Variants in AGBL1 observed in about 807,000 individuals in gnomAD.
The protein encoded by AGBL1 is cytosolic carboxypeptidase 4.
A neutral mutation model predicts 118.9 loss-of-function variants in AGBL1; 130 were observed. The ratio of observed to expected loss-of-function variants is 1.09; its 90% CI spans 0.95 to 1.26. The LOEUF (loss-of-function observed/expected upper bound fraction) is 1.26. Among genes scored for constraint, AGBL1 ranks in the 50% most tolerant of loss-of-function variants. AGBL1 has a pLI of 0.00. For synonymous variants in AGBL1, 555 were observed against 478.9 expected (o/e 1.16, Z -2.08); for missense variants, 1,584 against 1,298.1 (o/e 1.22, Z -3.38).
intron 23 of AGBL1, among the ~76,000 whole-genome samples, chr15:86,965,312 A>G (rs976797717): frequency 2.0e-5 from 3 of 152,012 alleles, no homozygotes; most frequent in Non-Finnish European, 2.9e-5. Context: ...TGACTTTTTA[A>G]TGATTGCCAT....
intron 22 of AGBL1, among the ~76,000 whole-genome samples, chr15:86,686,735 C>T (rs1479166715): frequency 6.6e-6 from 1 of 152,164 alleles, no homozygotes; most frequent in South Asian, 2.1e-4. Flanking sequence ...CCATGCCTGG[C>T]CTCTAAGTTT....
chr15:86,170,168 A>G (rs2077394862), intron 5 of AGBL1, among the ~76,000 whole-genome samples: 1 of 152,236 alleles, frequency 6.6e-6, no homozygotes, highest in Non-Finnish European at 1.5e-5. Flanking sequence ...GACACAGAAG[A>G]TATAAGAAAA....
In AGBL1 at chr15:86,817,463, TACACACACAC is replaced by T. The variant is rs143498374; in HGVS notation, c.3159-89604_3159-89595del. The stretch of plus-strand genomic sequence containing the variant: ...CAAGTGTGTGTGTGTCTCTGAGAGA[TACACACACAC>T]ACACACACACACACACACAGAGGAG... On this transcript the variant is annotated intron_variant, in intron 22 of 22. Transcript: ENST00000614907. Among the ~76,000 whole-genome samples the T allele has an allele frequency of 2.8e-3, 369 of 133,488 alleles. 5 individuals are homozygous for T. The highest frequency in any genetic ancestry group is 0.01 in the African/African-American group (344 of 34,400). 87.6% of individuals were successfully genotyped at this position (133,488 alleles called of 152,430 possible).
At chr15:86,894,396 C>A (rs1463145504) in intron 22 of AGBL1, among the ~76,000 whole-genome samples, 1 of 152,082 alleles carries the variant, frequency 6.6e-6, no homozygotes, top group Non-Finnish European at 1.5e-5. Flanking sequence ...GTATTTCATC[C>A]TGAGGGAGCT....
rs550331070 is a variant in AGBL1, at chr15:86,124,563, A to AT, written c.52-17435dup. 4.7e-3 allele frequency among the ~76,000 whole-genome samples: 710 copies of AT among 152,162 alleles called. 6 individuals carry two copies. The highest frequency in any genetic ancestry group is 0.016 in the African/African-American group (673 of 41,504). On this transcript the variant is annotated intron_variant, in intron 1 of 22. Transcript: ENST00000614907. ...AAAGTTTATTAAAAATATTTTAAAG[A>AT]TTTTTTCTCTCCACGCAGATTTCTC...
chr15:86,787,863 T>A (rs990922601), intron 22 of AGBL1, among the ~76,000 whole-genome samples: 3 of 152,202 alleles, frequency 2.0e-5, no homozygotes, highest in East Asian at 3.9e-4. Context: ...TACATCTTTT[T>A]TTTCTTCTTT....
chr15:86,806,473 A>G (rs1596499180), intron 22 of AGBL1, among the ~76,000 whole-genome samples: 1 of 152,292 alleles, frequency 6.6e-6, no homozygotes, highest in South Asian at 2.1e-4. Context: ...AAATCTCAGG[A>G]GATGGACCTC....
At chr15:86,616,339 C>CAAAAAAAAAA (rs199936794) in intron 21 of AGBL1, among the ~76,000 whole-genome samples, 17 of 49,286 alleles carry the variant, frequency 3.4e-4, no homozygotes, top group African/African-American at 1.0e-3. Context: ...TCCTCCACTT[C>CAAAAAAAAAA]AAAAAAAAAA....
intron 22 of AGBL1, among the ~76,000 whole-genome samples, chr15:86,787,532 G>A (rs1196406203): frequency 6.6e-6 from 1 of 152,060 alleles, no homozygotes; most frequent in Non-Finnish European, 1.5e-5. Flanking sequence ...ATTTTTATCT[G>A]GGTCTAGCTT....
chr15:86,447,465 C>T (rs2082135798), intron 18 of AGBL1, among the ~76,000 whole-genome samples: 1 of 152,186 alleles, frequency 6.6e-6, no homozygotes, highest in African/African-American at 2.4e-5. Flanking sequence ...AAACTGGATC[C>T]TTGATGTATC....
At chr15:86,890,207 T>C (rs192653754) in intron 22 of AGBL1, among the ~76,000 whole-genome samples, 10 of 152,322 alleles carry the variant, frequency 6.6e-5, no homozygotes, top group Non-Finnish European at 1.3e-4. Context: ...TTTTGAGAAG[T>C]GTCTGTTCAT....
At chr15:86,811,630 C>A (rs146402399) in intron 22 of AGBL1, among the ~76,000 whole-genome samples, 135 of 152,252 alleles carry the variant, frequency 8.9e-4, no homozygotes, top group African/African-American at 3.0e-3. Context: ...AATCAGCAAT[C>A]ATGGAATAAT....
At chr15:86,216,902 C>T (rs372283312) in intron 5 of AGBL1, among the ~76,000 whole-genome samples, 2 of 152,318 alleles carry the variant, frequency 1.3e-5, no homozygotes, top group South Asian at 4.1e-4. Flanking sequence ...GTTCCTTGAA[C>T]AGGTCAGGGC....
At chr15:86,505,699 C>T (rs1284054749) in intron 18 of AGBL1, among the ~76,000 whole-genome samples, 3 of 151,856 alleles carry the variant, frequency 2.0e-5, no homozygotes, top group Non-Finnish European at 2.9e-5. Context: ...ACCTGTTTTT[C>T]TCTCTCTTTT....
At chr15:87,029,250 G>A (rs759487307), downstream of AGBL1, among the ~76,000 whole-genome samples, 1 of 151,858 alleles carries the variant, frequency 6.6e-6, no homozygotes, top group East Asian at 1.9e-4. Context: ...AAAGAGCCAT[G>A]AGTGGTTTTG....
intron 16 of AGBL1, among the ~76,000 whole-genome samples, chr15:86,293,173 C>T (rs1470331498): frequency 1.3e-5 from 2 of 152,056 alleles, no homozygotes; most frequent in African/African-American, 2.4e-5. Flanking sequence ...ATTCTTTTTC[C>T]CTTGTATGTT....
chr15:86,874,362 C>CCAAGATTG (rs1407719240), intron 22 of AGBL1, among the ~76,000 whole-genome samples: 1 of 144,504 alleles, frequency 6.9e-6, no homozygotes, highest in East Asian at 2.1e-4. Context: ...AGGACCTGCC[C>CCAAGATTG]CAAGATTGTT....
intron 1 of AGBL1, among the ~76,000 whole-genome samples, chr15:86,121,117 C>T (rs1597421083): frequency 1.3e-5 from 2 of 152,178 alleles, no homozygotes; most frequent in African/African-American, 2.4e-5. Flanking sequence ...AGGCTGGTCT[C>T]GAACTCCTGA....
chr15:86,143,581 T>G, intron 2 of AGBL1, 118 bp from the exon 3 acceptor site: 2 of 1,272,816 alleles, frequency 1.6e-6, no homozygotes, highest in Non-Finnish European at 2.2e-6. Flanking sequence ...ACTACATAAT[T>G]TTACGTAGTT....
Sources: gnomAD v4.1 joint callset for allele counts (sites outside exome capture counted in the v4.1 genomes callset) on GRCh38, gnomAD v4.1.1 for gene constraint, MANE v1.5 for transcripts, NCBI Gene and HGNC (gene_info 2026-07-23, HGNC 2026-07-21) for gene names.